CYP2C18: variants seen among roughly 807,000 people sequenced by gnomAD.
CYP2C18 encodes cytochrome P450 2C18.
A neutral mutation model predicts 41.3 loss-of-function variants in CYP2C18; 38 were observed. The observed-to-expected ratio is 0.92, with a 90% CI of 0.71 to 1.21. The LOEUF is 1.21. CYP2C18 is among the 50% of genes most tolerant of loss of function. The pLI is 0.00. For missense variants in CYP2C18, 635 were observed against 591.4 expected (o/e 1.07, Z -0.77); for synonymous variants, 236 against 210.0 (o/e 1.12, Z -1.07).
intron 3 of CYP2C18, among the ~76,000 whole-genome samples, chr10:94,693,483 G>A (rs1198756579): frequency 2.0e-5 from 3 of 152,128 alleles, no homozygotes; most frequent in Admixed American, 6.6e-5. Context: ...TTATAGCAAT[G>A]CAAGAACAGC....
chr10:94,714,610 A>C lies in CYP2C18; in HGVS notation c.820-5786A>C, dbSNP rs560890413. Among the ~76,000 whole-genome samples, 67 of 152,224 alleles carry C rather than the reference A, an allele frequency of 4.4e-4. 1 individual carries two copies. Among genetic ancestry groups the C allele is most frequent in the Non-Finnish European group, 8.1e-4 (55 of 67,998 alleles). ...GTAGTATAGTTTGAAGTCAGGTAGC[A>C]TGATGCCTCCAGCTTTGTTCTTTTG... On this transcript the variant is annotated intron_variant, in intron 5 of 8. Transcript: ENST00000285979.
intron 5 of CYP2C18, among the ~76,000 whole-genome samples, chr10:94,717,814 T>C (rs1033277413): frequency 6.6e-6 from 1 of 152,164 alleles, no homozygotes. Flanking sequence ...GGTTGATGTG[T>C]CCATTTTTAT....
chr10:94,713,326 C>T (rs933431004), intron 5 of CYP2C18, among the ~76,000 whole-genome samples: 1 of 151,748 alleles, frequency 6.6e-6, no homozygotes, highest in Admixed American at 6.6e-5. Context: ...TGCTATCCCT[C>T]CCCGCTCCCC....
chr10:94,716,880 A>G (rs1176831538), intron 5 of CYP2C18, among the ~76,000 whole-genome samples: 6 of 152,156 alleles, frequency 3.9e-5, no homozygotes, highest in Non-Finnish European at 8.8e-5. Flanking sequence ...TTGGGTGCAT[A>G]TATATTTAGG....
intron 7 of CYP2C18, among the ~76,000 whole-genome samples, chr10:94,726,173 C>T (rs1847737204): frequency 6.6e-6 from 1 of 150,558 alleles, no homozygotes; most frequent in East Asian, 2.0e-4. Flanking sequence ...AATTAGATAT[C>T]AACACAGTCA....
In CYP2C18 at chr10:94,724,392, C is replaced by T. The variant is rs971823155; in HGVS notation, c.1008C>T (p.Ser336=). The change falls in exon 7 of 9, where the codon AGC becomes AGT. Residue 336 remains serine, a synonymous_variant. Transcript: ENST00000285979. The stretch of plus-strand genomic sequence containing the variant: ...AATGTGTAGTTGGCAGAAACCGGAG[C>T]CCCTGTATGCAGGACAGGAGTCACA... ...EIECVVGRNR[S]PCMQDRSHMP... is the part of the protein sequence containing the mutation. The T allele has an allele frequency of 6.2e-7, 1 of 1,613,494 alleles. No individual in the cohort carries two copies. Among genetic ancestry groups the T allele is most frequent in the Non-Finnish European group, 8.5e-7 (1 of 1,179,656 alleles).
intron 4 of CYP2C18, among the ~76,000 whole-genome samples, chr10:94,699,878 T>C (rs1258556221): frequency 6.6e-6 from 1 of 152,092 alleles, no homozygotes; most frequent in Non-Finnish European, 1.5e-5. Context: ...CCATTCAAAA[T>C]TGCTTCAAAG....
chr10:94,701,100 C>A (rs927609211), intron 4 of CYP2C18, among the ~76,000 whole-genome samples: 1 of 152,140 alleles, frequency 6.6e-6, no homozygotes, highest in African/African-American at 2.4e-5. Flanking sequence ...ACCATTTGAC[C>A]CAGCCTTCCC....
intron 1 of CYP2C18, among the ~76,000 whole-genome samples, chr10:94,684,256 A>G (rs1846842598): frequency 1.3e-5 from 2 of 152,108 alleles, no homozygotes; most frequent in African/African-American, 4.8e-5. Context: ...ATTAATATTA[A>G]TTATAGTCAC....
rs557368900 is a variant in CYP2C18 at position 94,711,623 on chromosome 10, C to T, written c.819+4663C>T. 5.3e-5 allele frequency among the ~76,000 whole-genome samples: 8 copies of T among 152,144 alleles called. 1 individual carries two copies. In the South Asian group the frequency reaches 1.7e-3, roughly 32 times the overall value. On this transcript the variant is annotated intron_variant, in intron 5 of 8. Coordinates refer to ENST00000285979, the MANE Select transcript of CYP2C18 (RefSeq NM_000772.3). ...TAGGGTCTCACTGTGTTTGCCCAGGCTGGAGTGGACCTCCTGAACTCAAGT... is the reference window on the plus strand; with the variant it reads ...TAGGGTCTCACTGTGTTTGCCCAGGTTGGAGTGGACCTCCTGAACTCAAGT...
At chr10:94,727,281 T>C (rs1484963009) in intron 7 of CYP2C18, among the ~76,000 whole-genome samples, 2 of 152,176 alleles carry the variant, frequency 1.3e-5, no homozygotes, top group Admixed American at 1.3e-4. Context: ...AATGTATTTA[T>C]TTTCCTTATT....
intron 6 of CYP2C18, among the ~76,000 whole-genome samples, chr10:94,722,223 A>G (rs1847658979): frequency 6.6e-6 from 1 of 152,186 alleles, no homozygotes; most frequent in African/African-American, 2.4e-5. Flanking sequence ...GAGGAATTTT[A>G]TGATTATCAA....
At chr10:94,697,189 G>A (rs7082046) in intron 4 of CYP2C18, among the ~76,000 whole-genome samples, 152,017 of 152,330 alleles carry the variant, frequency 1, 75,852 homozygotes, top group East Asian at 1. Context: ...CAGATTCACC[G>A]AAGTTGAAAT....
chr10:94,709,488 A>T (rs978996574), intron 5 of CYP2C18, among the ~76,000 whole-genome samples: 1 of 152,134 alleles, frequency 6.6e-6, no homozygotes, highest in African/African-American at 2.4e-5. Flanking sequence ...AAAAGTTTTT[A>T]TATATTCTAG....
At chr10:94,718,618 C>T (rs1847595777) in intron 5 of CYP2C18, among the ~76,000 whole-genome samples, 1 of 152,196 alleles carries the variant, frequency 6.6e-6, no homozygotes, top group South Asian at 2.1e-4. Context: ...TTATTAGCTC[C>T]ACTATCAGGA....
chr10:94,695,929 T>G (rs1564639222), intron 4 of CYP2C18, among the ~76,000 whole-genome samples: 1 of 151,996 alleles, frequency 6.6e-6, no homozygotes, highest in African/African-American at 2.4e-5. Flanking sequence ...GCAATGAGGC[T>G]GGGGGAGGGG....
rs753621976 is a variant in CYP2C18 at position 94,687,947 on chromosome 10, A to G, written c.331+15A>G. The G allele has an allele frequency of 1.4e-5, 22 of 1,612,384 alleles. No individual in the cohort carries two copies. The highest frequency in any genetic ancestry group is 8.3e-5 in the Admixed American group (5 of 59,924). On this transcript the variant is annotated intron_variant, in intron 2 of 8. Coordinates refer to ENST00000285979, the MANE Select transcript of CYP2C18 (RefSeq NM_000772.3). ...CAAAGGACTTGGTAAATGTGCATGT[A>G]TCGTGTGTATGTGTACATGTGTATG...
chr10:94,715,073 T>C (rs1011811041), intron 5 of CYP2C18, among the ~76,000 whole-genome samples: 5 of 152,212 alleles, frequency 3.3e-5, no homozygotes, highest in African/African-American at 9.6e-5. Context: ...TTTTTGGAGA[T>C]TTTGGGCTGA....
At chr10:94,714,922 T>G (rs1309344524) in intron 5 of CYP2C18, among the ~76,000 whole-genome samples, 1 of 152,178 alleles carries the variant, frequency 6.6e-6, no homozygotes. Context: ...TCCTGGGTAT[T>G]TTATTCTCTT....
Sources: allele counts gnomAD v4.1 joint callset (sites outside exome capture counted in the v4.1 genomes callset), GRCh38; gene constraint gnomAD v4.1.1; transcripts MANE v1.5; gene names NCBI Gene and HGNC (gene_info 2026-07-23, HGNC 2026-07-21).